The following RAPGEF2 variants were observed in gnomAD, a reference collection of about 807,000 sequenced individuals.
The protein encoded by RAPGEF2 is Rap guanine nucleotide exchange factor 2, also known as PDZ domain containing guanine nucleotide exchange factor (GEF) 1.
In RAPGEF2, 54 loss-of-function variants were observed where a neutral mutation model predicts 186.7. The ratio of observed to expected loss-of-function variants is 0.29; its 90% confidence interval spans 0.23 to 0.36. RAPGEF2 has a LOEUF of 0.36. Among genes scored for constraint, RAPGEF2 ranks in the 10% least tolerant of loss-of-function variants. The pLI is 1.00. For synonymous variants in RAPGEF2, 712 were observed against 705.9 expected (o/e 1.01, Z -0.14); for missense variants, 1,532 against 2,045.0 (o/e 0.75, Z 4.84).
chr4:159,267,173 C>T, intron 7 of RAPGEF2: 1 of 1,286,306 alleles, frequency 7.8e-7, no homozygotes, highest in Non-Finnish European at 1.0e-6. Flanking sequence ...ACTACAGTGT[C>T]TTGCTTTCTG....
intron 4 of RAPGEF2, among the ~76,000 whole-genome samples, chr4:159,218,430 CT>C (rs1751190975): frequency 6.6e-6 from 1 of 152,142 alleles, no homozygotes; most frequent in South Asian, 2.1e-4. Flanking sequence ...AATACGTAAG[CT>C]TTTTAGACAT....
At chr4:159,191,075 A>G (rs1023367837) in intron 2 of RAPGEF2, among the ~76,000 whole-genome samples, 1 of 152,196 alleles carries the variant, frequency 6.6e-6, no homozygotes, top group Non-Finnish European at 1.5e-5. Context: ...TCATCAGTGT[A>G]TAGATTAAAA....
intron 3 of RAPGEF2, among the ~76,000 whole-genome samples, chr4:159,198,508 C>T (rs572202269): frequency 5.3e-5 from 8 of 151,650 alleles, no homozygotes; most frequent in South Asian, 2.1e-4. Flanking sequence ...TGCAGTGGCA[C>T]GATCTGAGCT....
At chr4:159,191,744 A>G (rs528237661) in intron 2 of RAPGEF2, among the ~76,000 whole-genome samples, 66 of 152,264 alleles carry the variant, frequency 4.3e-4, no homozygotes, top group Non-Finnish European at 7.5e-4. Flanking sequence ...TCTCAAAATA[A>G]TAATAATGAT....
chr4:159,172,534 G>A (rs1025246535), intron 1 of RAPGEF2, among the ~76,000 whole-genome samples: 13 of 152,146 alleles, frequency 8.5e-5, no homozygotes, highest in African/African-American at 2.7e-4. Flanking sequence ...AATGTTGGGG[G>A]TGGGATGTCA....
intron 17 of RAPGEF2, among the ~76,000 whole-genome samples, chr4:159,335,456 G>A (rs943579908): frequency 3.6e-4 from 55 of 152,178 alleles, no homozygotes; most frequent in African/African-American, 1.3e-3. Context: ...TCCAAGAGTG[G>A]CCGCATGTCT....
At chr4:159,287,040 TAAG>T (rs547064259) in intron 7 of RAPGEF2, among the ~76,000 whole-genome samples, 31 of 152,146 alleles carry the variant, frequency 2.0e-4, no homozygotes, top group African/African-American at 5.5e-4. Flanking sequence ...GGAAAATTAA[TAAG>T]AAGTACAAAA....
At chr4:159,326,748 TTTC>T (rs1279111888) in intron 11 of RAPGEF2, 1 of 145,842 alleles carries the variant, frequency 6.9e-6, no homozygotes, top group African/African-American at 2.4e-5. Flanking sequence ...CATGTACCTC[TTTC>T]TTTTCTTTTT....
At position 159,353,704 on chromosome 4, in the gene RAPGEF2, C is replaced by T. The variant is rs929583207; in HGVS notation, c.4309C>T (p.His1437Tyr). ...AAGCTGGGAGACTCTTCCATTCGGG[C>T]ATACTCACTTTGATTATTCAGGGGA... is the stretch of plus-strand genomic sequence containing the variant. ...QRSWETLPFG[H>Y]THFDYSGDPA... The change falls in exon 28 of 30, where the codon CAT (histidine) becomes TAT (tyrosine). Residue 1437 changes from histidine (H) to tyrosine (Y), a missense_variant. Transcript: ENST00000691494. The surrounding 1 kb of genome is among the most constrained non-coding windows in gnomAD (Gnocchi z 4.3). 1.9e-6 allele frequency: 3 copies of T among 1,601,348 alleles called. No individual in the cohort carries two copies. The highest frequency in any genetic ancestry group is 2.2e-5 in the East Asian group (1 of 44,846).
At chr4:159,335,361 A>G (rs944167093) in intron 17 of RAPGEF2, among the ~76,000 whole-genome samples, 1 of 152,170 alleles carries the variant, frequency 6.6e-6, no homozygotes, top group African/African-American at 2.4e-5. Context: ...AGTAACAAGG[A>G]AAGTGTTGGA....
At chr4:159,319,304 A>G (rs1398799222) in intron 9 of RAPGEF2, among the ~76,000 whole-genome samples, 7 of 152,154 alleles carry the variant, frequency 4.6e-5, no homozygotes, top group African/African-American at 1.7e-4. Flanking sequence ...TTAGTTTCAT[A>G]AGAGTGCAAA....
intron 7 of RAPGEF2, among the ~76,000 whole-genome samples, chr4:159,292,705 A>G (rs1050873962): frequency 2.0e-5 from 3 of 152,208 alleles, no homozygotes; most frequent in Non-Finnish European, 2.9e-5. Flanking sequence ...AGTCATCAAA[A>G]TCAAACAATC....
chr4:159,338,519 C>CTATATTTATAATA (rs1300727147), intron 18 of RAPGEF2, 51 bp downstream of exon 18: 1 of 1,497,404 alleles, frequency 6.7e-7, no homozygotes, highest in Non-Finnish European at 9.2e-7. Flanking sequence ...CTTTTTATTT[C>CTATATTTATAATA]TAACATAATG....
chr4:159,286,319 TG>T (rs1250431334), intron 7 of RAPGEF2, among the ~76,000 whole-genome samples: 1 of 152,140 alleles, frequency 6.6e-6, no homozygotes, highest in Admixed American at 6.6e-5. Flanking sequence ...ATTACCACCC[TG>T]GTCCAAGCTA....
In RAPGEF2 at chr4:159,347,031, C is replaced by A. The variant is rs770389885; in HGVS notation, c.3712+33C>A. 3.8e-6 allele frequency: 6 copies of A among 1,569,790 alleles called. No homozygotes were observed. In the Admixed American group the frequency reaches 8.5e-5, roughly 22 times the overall value. On this transcript the variant is annotated intron_variant, in intron 25 of 29. Coordinates refer to ENST00000691494, the MANE Select transcript of RAPGEF2 (RefSeq NM_001394067.2). Reference sequence around the variant, plus strand: ...ATTACATTCATTTCTTTTTTTGGTGCCATTCACTGTCATGGTTTGCAAATT... The same window carrying A: ...ATTACATTCATTTCTTTTTTTGGTGACATTCACTGTCATGGTTTGCAAATT...
chr4:159,140,659 C>G (rs1195705893), intron 1 of RAPGEF2, among the ~76,000 whole-genome samples: 1 of 152,042 alleles, frequency 6.6e-6, no homozygotes, highest in Admixed American at 6.5e-5. Flanking sequence ...TGACAACTCT[C>G]TAGTAGACAA....
At position 159,332,595 on chromosome 4, in the gene RAPGEF2, A is replaced by G; in HGVS notation, c.2033A>G (p.Lys678Arg). 1 of 1,614,200 alleles carries G rather than the reference A, an allele frequency of 6.2e-7. No individual in the cohort carries two copies. Among genetic ancestry groups the G allele is most frequent in the Non-Finnish European group, 8.5e-7 (1 of 1,180,028 alleles). Residue 678 changes from lysine (K) to arginine (R), a missense_variant, in exon 17 of 30, where the codon AAA becomes AGA. By Grantham distance (26) the Lys-to-Arg change is conservative. Transcript: ENST00000691494. ...VDVEQVIGLE[K>R]VNKKSKANTV... ...GTAGAACAGGTGATAGGACTTGAAA[A>G]AGTGAACAAAAAAAGTAAAGCCAAC...
intron 3 of RAPGEF2, among the ~76,000 whole-genome samples, chr4:159,198,271 CTTCTTTCT>C (rs201152378): frequency 0.057 from 5,961 of 104,178 alleles, 268 homozygotes; most frequent in Middle Eastern, 0.074. Flanking sequence ...TCTTTCTTTC[CTTCTTTCT>C]TTCTTTCTTT....
chr4:159,245,985 C>G (rs1007616687), intron 7 of RAPGEF2, among the ~76,000 whole-genome samples: 1 of 152,074 alleles, frequency 6.6e-6, no homozygotes, highest in African/African-American at 2.4e-5. Context: ...TCCTACTTAC[C>G]CAAAAATATG....
Sources: allele counts gnomAD v4.1 joint callset (sites outside exome capture counted in the v4.1 genomes callset), GRCh38; gene constraint gnomAD v4.1.1; non-coding constraint Gnocchi (gnomAD v3.1); transcripts MANE v1.5; gene names NCBI Gene and HGNC (gene_info 2026-07-23, HGNC 2026-07-21).